SLC35D2: variants seen among roughly 807,000 people sequenced by gnomAD.
SLC35D2 encodes nucleotide sugar transporter SLC35D2.
SLC35D2 carries 43 observed loss-of-function variants against 41.8 expected under a neutral mutation model. The observed-to-expected ratio is 1.03, with a 90% CI of 0.81 to 1.33. SLC35D2 has a LOEUF of 1.33. SLC35D2 is among the 40% of genes most tolerant of loss of function. SLC35D2 has a pLI of 0.00. For synonymous variants in SLC35D2, 150 were observed against 163.9 expected, an observed-to-expected ratio of 0.92 and a Z score of 0.65; for missense variants, 380 against 408.4, an observed-to-expected ratio of 0.93 and a Z score of 0.60.
intron 9 of SLC35D2, among the ~76,000 whole-genome samples, chr9:96,325,233 C>T (rs1342021252): frequency 6.6e-6 from 1 of 152,168 alleles, no homozygotes; most frequent in Non-Finnish European, 1.5e-5. Flanking sequence ...AAGAAGCGAG[C>T]TAATTCCAGT....
chr9:96,322,086 GA>G lies in SLC35D2; in HGVS notation c.832-7del. 1 of 1,543,726 alleles carries G rather than the reference GA, an allele frequency of 6.5e-7. No homozygotes were observed. Among genetic ancestry groups the G allele is most frequent in the East Asian group, 2.2e-5 (1 of 44,536 alleles). ...ATGTAGGCAACGGATACATTCTGCA[GA>G]AAAAGAGAGAGGATTCGTCATTTTA... On this transcript the variant is annotated splice_polypyrimidine_tract_variant and splice_region_variant and intron_variant, in intron 10 of 11. Coordinates refer to ENST00000253270, the MANE Select transcript of SLC35D2 (RefSeq NM_007001.3).
intron 9 of SLC35D2, 152 bp downstream of exon 9, chr9:96,336,565 G>C (rs1049006653): frequency 2.6e-5 from 15 of 586,216 alleles, no homozygotes; most frequent in Non-Finnish European, 4.0e-5. Context: ...GGTATCCTGG[G>C]TCCCTGACAC....
chr9:96,356,761 G>C (rs1830044899), intron 4 of SLC35D2, among the ~76,000 whole-genome samples: 1 of 152,228 alleles, frequency 6.6e-6, no homozygotes, highest in South Asian at 2.1e-4. Flanking sequence ...TGTGGTCCCA[G>C]CTACTTGGGA....
chr9:96,382,312 G>A (rs907390274), intron 1 of SLC35D2, among the ~76,000 whole-genome samples: 4 of 151,636 alleles, frequency 2.6e-5, no homozygotes, highest in African/African-American at 7.3e-5. Flanking sequence ...AAAAATTGCC[G>A]GTGCAGTGGT....
chr9:96,348,397 G>C (rs1829668646), intron 6 of SLC35D2, among the ~76,000 whole-genome samples: 1 of 152,200 alleles, frequency 6.6e-6, no homozygotes, highest in Non-Finnish European at 1.5e-5. Flanking sequence ...GGATCCCTGA[G>C]TGAACACATG....
downstream of SLC35D2, among the ~76,000 whole-genome samples, chr9:96,318,692 T>G (rs780231146): frequency 1.5e-4 from 23 of 152,054 alleles, no homozygotes; most frequent in Non-Finnish European, 3.1e-4. Flanking sequence ...GCCAGGCAGG[T>G]GAGCCTGTAG....
chr9:96,381,261 C>T (rs1171563207), intron 1 of SLC35D2, among the ~76,000 whole-genome samples: 1 of 152,252 alleles, frequency 6.6e-6, no homozygotes, highest in Non-Finnish European at 1.5e-5. Context: ...CTCAACACAG[C>T]AGCCACAGTG....
intron 6 of SLC35D2, among the ~76,000 whole-genome samples, chr9:96,345,665 C>T (rs958681972): frequency 6.6e-6 from 1 of 152,236 alleles, no homozygotes; most frequent in Non-Finnish European, 1.5e-5. Flanking sequence ...CTTTCTTTCG[C>T]TAGCTGATGA....
intron 4 of SLC35D2, among the ~76,000 whole-genome samples, chr9:96,359,623 G>T (rs556237199): frequency 2.0e-5 from 3 of 152,022 alleles, no homozygotes; most frequent in Non-Finnish European, 4.4e-5. Context: ...TCAGAAGGTG[G>T]AGGTTGTAGT....
downstream of SLC35D2, among the ~76,000 whole-genome samples, chr9:96,317,721 G>A (rs924348294): frequency 2.0e-5 from 3 of 152,082 alleles, no homozygotes; most frequent in African/African-American, 7.2e-5. Context: ...GCAACAGGAG[G>A]TAGTTAACAA....
At chr9:96,359,398 C>A (rs1177125711) in intron 4 of SLC35D2, among the ~76,000 whole-genome samples, 1 of 151,778 alleles carries the variant, frequency 6.6e-6, no homozygotes, top group Non-Finnish European at 1.5e-5. Flanking sequence ...AATCAAAAGA[C>A]CCTGAAATGG....
At chr9:96,341,057 A>G (rs1829302924) in intron 8 of SLC35D2, among the ~76,000 whole-genome samples, 1 of 152,052 alleles carries the variant, frequency 6.6e-6, no homozygotes, top group South Asian at 2.1e-4. Flanking sequence ...GAGGCTGAGA[A>G]AGGCAGATCA....
Position 96,338,681 on chromosome 9 carries a change from A to C in SLC35D2, c.685-1897T>G, listed in dbSNP as rs146773290. On this transcript the variant is annotated intron_variant, in intron 8 of 11. Coordinates refer to ENST00000253270, the MANE Select transcript of SLC35D2 (RefSeq NM_007001.3). The stretch of plus-strand genomic sequence containing the variant: ...ATATGTTTGACAGTTTCCTTGCGTC[A>C]TAACACTTTTTGTTAAATGTTCACT... 4.7e-4 allele frequency among the ~76,000 whole-genome samples: 71 copies of C among 152,294 alleles called. No individual in the cohort carries two copies. The East Asian group carries it at 0.01, about 22-fold the overall frequency.
Position 96,321,147 on chromosome 9 carries a change from T to A in SLC35D2, c.*95A>T, listed in dbSNP as rs1828199968. The A allele has an allele frequency of 3.4e-6, 3 of 873,242 alleles. No individual in the cohort carries two copies. The highest frequency in any genetic ancestry group is 5.6e-6 in the Non-Finnish European group (3 of 535,936). The allele number at this position is 873,242 out of a possible 1,614,324, so 54.1% of individuals were successfully genotyped here. On this transcript the variant is annotated 3_prime_UTR_variant, in exon 12 of 12. Transcript: ENST00000253270. ...TGCTCTCACTTGCCCAGGGGGTGGA[T>A]GTCACGAATCCGAAACCTCTGGCTT...
At position 96,382,466 on chromosome 9, in the gene SLC35D2, T is replaced by C. The variant is rs894177337; in HGVS notation, c.158+1011A>G. On this transcript the variant is annotated intron_variant, in intron 1 of 11. Coordinates refer to ENST00000253270, the MANE Select transcript of SLC35D2 (RefSeq NM_007001.3). ...GAAACCTTGTCTCAAAAAAATATTA[T>C]ACACACACACACACACACACACACA... is the stretch of plus-strand genomic sequence containing the variant. 4.4e-3 allele frequency among the ~76,000 whole-genome samples: 579 copies of C among 133,088 alleles called. 6 individuals carry two copies. The highest frequency in any genetic ancestry group is 0.016 in the African/African-American group (550 of 33,532). 87.3% of individuals were successfully genotyped at this position (133,088 alleles called of 152,430 possible). A position where few individuals can be genotyped will look rare whatever the true frequency, so the allele number is the denominator to read the frequency against.
intron 1 of SLC35D2, among the ~76,000 whole-genome samples, chr9:96,382,050 G>A (rs1429461628): frequency 6.6e-6 from 1 of 152,178 alleles, no homozygotes; most frequent in Non-Finnish European, 1.5e-5. Context: ...CTCCAGAGCA[G>A]GGACCTTGTG....
At chr9:96,343,807 C>A in intron 8 of SLC35D2, 97 bp downstream of exon 8, 1 of 718,682 alleles carries the variant, frequency 1.4e-6, no homozygotes, top group Non-Finnish European at 2.2e-6. Flanking sequence ...GTAGTCCTAG[C>A]TAACTTTACA....
rs1179794671 is a variant in SLC35D2, at chr9:96,360,135, C to T, written c.347+19G>A. The T allele has an allele frequency of 1.3e-6, 2 of 1,597,228 alleles. No homozygotes were observed. Among genetic ancestry groups the T allele is most frequent in the Admixed American group, 1.7e-5 (1 of 59,240 alleles). ...ACAGAGGTGAGGAACTTTCCACCAGCCATTATCCTATACTCTACCTTAATT... is the reference window on the plus strand; with the variant it reads ...ACAGAGGTGAGGAACTTTCCACCAGTCATTATCCTATACTCTACCTTAATT... On this transcript the variant is annotated intron_variant, in intron 4 of 11. Coordinates refer to ENST00000253270, the MANE Select transcript of SLC35D2 (RefSeq NM_007001.3).
At chr9:96,339,086 A>G (rs1829186247) in intron 8 of SLC35D2, among the ~76,000 whole-genome samples, 1 of 152,216 alleles carries the variant, frequency 6.6e-6, no homozygotes, top group African/African-American at 2.4e-5. Flanking sequence ...CTCATAAAAT[A>G]TTTAGATTCT....
Sources: allele counts gnomAD v4.1 joint callset (sites outside exome capture counted in the v4.1 genomes callset), GRCh38; gene constraint gnomAD v4.1.1; transcripts MANE v1.5; gene names NCBI Gene and HGNC (gene_info 2026-07-23, HGNC 2026-07-21).